The following STK3 variants were observed in gnomAD, a reference collection of about 807,000 sequenced individuals.
STK3 encodes the protein serine/threonine kinase 3.
In STK3, 41 loss-of-function variants were observed where a neutral mutation model predicts 58.0. That is an observed-to-expected ratio of 0.71 (90% CI 0.55 to 0.92). The LOEUF is 0.92. STK3 is among the 40% of genes least tolerant of loss of function. The probability of loss-of-function intolerance (pLI) is 0.00; values close to 1 mark genes in which losing one functional copy is unlikely to be tolerated. For missense variants in STK3, 479 were observed against 602.7 expected (o/e 0.79, Z 2.15); for synonymous variants, 170 against 191.0 (o/e 0.89, Z 0.91).
rs192125686 is a variant in STK3, at chr8:98,822,687, T to C, written c.26+2828A>G. ...AACACAAACTTTTCTAAAGGAAAAA[T>C]GTGAATAAAGGTAAAGCTGGGAGTA... On this transcript the variant is annotated intron_variant, in intron 1 of 10. Transcript: ENST00000419617. Among the ~76,000 whole-genome samples the C allele has an allele frequency of 1.2e-3, 176 of 152,106 alleles. 1 individual carries two copies. Among genetic ancestry groups the C allele is most frequent in the Non-Finnish European group, 1.5e-4 (10 of 67,992 alleles).
intron 6 of STK3, among the ~76,000 whole-genome samples, chr8:98,688,007 T>A (rs1824129690): frequency 6.6e-6 from 1 of 151,884 alleles, no homozygotes; most frequent in Admixed American, 6.6e-5. Context: ...ACAAACAAAA[T>A]CCCTCTTTCT....
At chr8:98,859,767 C>G (rs1836858824) in intron 3 of STK3, among the ~76,000 whole-genome samples, 1 of 152,166 alleles carries the variant, frequency 6.6e-6, no homozygotes, top group South Asian at 2.1e-4. Flanking sequence ...TGTGTGTTGG[C>G]CACATCACTG....
chr8:98,753,492 G>C lies in STK3; in HGVS notation c.237-4102C>G, dbSNP rs537777874. Among the ~76,000 whole-genome samples, 21 of 152,280 alleles carry C rather than the reference G, an allele frequency of 1.4e-4. 1 individual carries two copies. Among genetic ancestry groups the C allele is most frequent in the Admixed American group, 1.1e-3 (17 of 15,294 alleles). On this transcript the variant is annotated intron_variant, in intron 3 of 10. Coordinates refer to ENST00000419617, the MANE Select transcript of STK3 (RefSeq NM_006281.4). ...TCAGAAGGTGGAAGGTGGAAGGAGG[G>C]AGAGGATCAGGAAAAATAACTAATG...
intron 3 of STK3, among the ~76,000 whole-genome samples, chr8:98,396,042 C>T (rs1327177349): frequency 1.3e-5 from 2 of 152,206 alleles, no homozygotes; most frequent in African/African-American, 2.4e-5. Flanking sequence ...ATTAAAAACA[C>T]ATTTACCAAA....
chr8:98,611,181 G>A (rs762242206), intron 6 of STK3, among the ~76,000 whole-genome samples: 3 of 152,046 alleles, frequency 2.0e-5, no homozygotes, highest in Non-Finnish European at 4.4e-5. Flanking sequence ...TGCAATAAGT[G>A]AGGCTCTGGT....
intron 3 of STK3, among the ~76,000 whole-genome samples, chr8:98,858,323 T>TAGAAAGAGAGAGAG (rs1836772873): frequency 6.2e-5 from 1 of 16,260 alleles, no homozygotes; most frequent in Non-Finnish European, 1.0e-4. Context: ...TATATATATA[T>TAGAAAGAGAGAGAG]AGAGAGAGAG....
rs1424461428 is a variant in STK3 at position 98,591,598 on chromosome 8, T to C, written c.822+4434A>G. ...TTTTAACTTTATTAGCCAGTTCCTC[T>C]TTGTTGATCAAAACCATGTCTGCAG... On this transcript the variant is annotated intron_variant, in intron 7 of 10. Transcript: ENST00000419617. Among the ~76,000 whole-genome samples the C allele has an allele frequency of 3.3e-5, 5 of 152,174 alleles. No homozygotes were observed. In the East Asian group the frequency reaches 5.8e-4, roughly 18 times the overall value.
chr8:98,821,752 A>G (rs1012619203), intron 1 of STK3, among the ~76,000 whole-genome samples: 1 of 151,986 alleles, frequency 6.6e-6, no homozygotes, highest in Non-Finnish European at 1.5e-5. Flanking sequence ...TCTAAAAACT[A>G]CTCTGGTACC....
chr8:98,826,583 C>T (rs181589581), upstream of STK3, among the ~76,000 whole-genome samples: 1 of 152,322 alleles, frequency 6.6e-6, no homozygotes, highest in East Asian at 1.9e-4. Flanking sequence ...GTCCTCTCCC[C>T]CAACCTGATT....
chr8:98,396,974 T>C (rs1298515299), downstream of STK3, among the ~76,000 whole-genome samples: 2 of 152,250 alleles, frequency 1.3e-5, no homozygotes, highest in African/African-American at 2.4e-5. Context: ...CACCTCACTA[T>C]TGTGTCCATT....
At chr8:98,514,952 A>G (rs974901575) in intron 10 of STK3, among the ~76,000 whole-genome samples, 4 of 152,072 alleles carry the variant, frequency 2.6e-5, no homozygotes, top group African/African-American at 9.7e-5. Flanking sequence ...CAATAGCAAA[A>G]CCATCAATCT....
intron 6 of STK3, among the ~76,000 whole-genome samples, chr8:98,647,824 TG>T (rs895385886): frequency 7.9e-5 from 12 of 152,224 alleles, no homozygotes; most frequent in African/African-American, 2.9e-4. Flanking sequence ...CATTATCTAA[TG>T]TCTCCTCCTT....
intron 7 of STK3, among the ~76,000 whole-genome samples, chr8:98,590,074 T>TG (rs1259652126): frequency 6.6e-6 from 1 of 152,242 alleles, no homozygotes; most frequent in Non-Finnish European, 1.5e-5. Flanking sequence ...GCGCTCATGC[T>TG]GGGAGCTGTA....
downstream of STK3, chr8:98,880,683 C>T (rs187479313): frequency 2.0e-5 from 3 of 151,120 alleles, no homozygotes; most frequent in Admixed American, 6.6e-5. Flanking sequence ...GATCTCACTT[C>T]ACCAAAAAAG....
At chr8:98,349,348 C>T in the STK3 span, among the ~76,000 whole-genome samples, 1 of 152,256 alleles carries the variant, frequency 6.6e-6, no homozygotes, top group Admixed American at 6.5e-5. Flanking sequence ...AAGAGGTGGG[C>T]TCCCATGGTC....
intron 3 of STK3, among the ~76,000 whole-genome samples, chr8:98,831,159 A>G (rs1340238200): frequency 1.3e-5 from 2 of 152,190 alleles, no homozygotes; most frequent in African/African-American, 4.8e-5. Context: ...TGAATAACAA[A>G]AAGCATACGT....
At chr8:98,711,014 T>A (rs921322513) in intron 4 of STK3, among the ~76,000 whole-genome samples, 2 of 152,178 alleles carry the variant, frequency 1.3e-5, no homozygotes, top group African/African-American at 2.4e-5. Flanking sequence ...CCATTGCTCA[T>A]ACCCAGGCAA....
At chr8:98,914,991 A>G (rs1183481987) in intron 1 of STK3, among the ~76,000 whole-genome samples, 1 of 152,172 alleles carries the variant, frequency 6.6e-6, no homozygotes, top group Non-Finnish European at 1.5e-5. Flanking sequence ...CAAGATCCTT[A>G]AGCACTGTCT....
chr8:98,941,079 C>A (rs1052722732), intron 1 of STK3, among the ~76,000 whole-genome samples: 2 of 152,190 alleles, frequency 1.3e-5, no homozygotes, highest in African/African-American at 4.8e-5. Flanking sequence ...CCGGTGTGGC[C>A]GCCCCCTCAG....
Sources: allele counts gnomAD v4.1 joint callset (sites outside exome capture counted in the v4.1 genomes callset), GRCh38; gene constraint gnomAD v4.1.1; transcripts MANE v1.5; gene names NCBI Gene and HGNC (gene_info 2026-07-23, HGNC 2026-07-21).